ECPAS: variants seen among roughly 807,000 people sequenced by gnomAD.
The protein encoded by ECPAS is Ecm29 proteasome adaptor and scaffold.
A neutral mutation model predicts 255.1 loss-of-function variants in ECPAS; 70 were observed. That is an observed-to-expected ratio of 0.27 (90% CI 0.23 to 0.33). ECPAS has a LOEUF of 0.33. Ranked by LOEUF, ECPAS falls within the 10% of genes least tolerant of loss-of-function variation. The probability of loss-of-function intolerance (pLI) is 1.00; values close to 1 mark genes in which losing one functional copy is unlikely to be tolerated. For synonymous variants in ECPAS, 784 were observed against 775.0 expected (o/e 1.01, Z -0.19); for missense variants, 1,817 against 2,206.4 (o/e 0.82, Z 3.54).
At chr9:111,422,573 T>C (rs1419216272) in intron 13 of ECPAS, among the ~76,000 whole-genome samples, 1 of 152,184 alleles carries the variant, frequency 6.6e-6, no homozygotes, top group African/African-American at 2.4e-5. Context: ...CTATATCCAC[T>C]GATCTGGGGT....
At chr9:111,373,044 A>G in intron 41 of ECPAS, 126 bp downstream of exon 41, 1 of 872,112 alleles carries the variant, frequency 1.1e-6, no homozygotes, top group African/African-American at 1.7e-5. Context: ...AAAAAAAGAA[A>G]AGAAAAGAAA....
intron 2 of ECPAS, among the ~76,000 whole-genome samples, chr9:111,463,206 T>C (rs936136677): frequency 6.6e-6 from 1 of 152,148 alleles, no homozygotes; most frequent in Non-Finnish European, 1.5e-5. Context: ...GCCAACACCA[T>C]CTCAAACACC....
chr9:111,423,664 C>T (rs996820221), intron 12 of ECPAS, among the ~76,000 whole-genome samples: 3 of 152,106 alleles, frequency 2.0e-5, no homozygotes, highest in Admixed American at 6.5e-5. Context: ...TAGGATCCTC[C>T]GTCTCTCACC....
intron 33 of ECPAS, 112 bp downstream of exon 33, chr9:111,385,225 T>G (rs1442872303): frequency 3.2e-6 from 2 of 624,548 alleles, no homozygotes; most frequent in Non-Finnish European, 5.5e-6. Flanking sequence ...GGGGAAAACG[T>G]TGGTCTCTTA....
chr9:111,429,301 A>G (rs1471194033), intron 9 of ECPAS, among the ~76,000 whole-genome samples: 1 of 152,100 alleles, frequency 6.6e-6, no homozygotes, highest in Non-Finnish European at 1.5e-5. Context: ...GAAGAATAGA[A>G]TAACTGTTAG....
Position 111,372,409 on chromosome 9 carries a change from A to C in ECPAS, c.4528+20T>G, listed in dbSNP as rs1024332011. 1 of 1,606,296 alleles carries C rather than the reference A, an allele frequency of 6.2e-7. No homozygotes were observed. The highest frequency in any genetic ancestry group is 1.1e-5 in the South Asian group (1 of 90,130). ...CTGTGATTCCTAAGAAGCAGGTTTA[A>C]CTCAGGCCACACTACTAACCAGGTA... On this transcript the variant is annotated intron_variant, in intron 42 of 49. Coordinates refer to ENST00000684092, the MANE Select transcript of ECPAS (RefSeq NM_001364929.1).
chr9:111,375,292 C>G, intron 37 of ECPAS, 90 bp from the exon 38 acceptor site: 2 of 875,180 alleles, frequency 2.3e-6, no homozygotes, highest in Non-Finnish European at 1.9e-6. Context: ...CAAACGTGTA[C>G]CAACTGGATT....
At chr9:111,369,632 G>A (rs541896901) in intron 45 of ECPAS, among the ~76,000 whole-genome samples, 1 of 152,230 alleles carries the variant, frequency 6.6e-6, no homozygotes, top group Admixed American at 6.5e-5. Flanking sequence ...TATTTAAATA[G>A]CCTTATTACT....
intron 48 of ECPAS, among the ~76,000 whole-genome samples, chr9:111,364,039 T>C (rs1449947327): frequency 1.3e-5 from 2 of 152,284 alleles, no homozygotes; most frequent in South Asian, 4.1e-4. Context: ...CAAAGAACAT[T>C]ATATGACCCA....
chr9:111,443,222 A>G (rs934931762), intron 4 of ECPAS, among the ~76,000 whole-genome samples: 3 of 152,182 alleles, frequency 2.0e-5, no homozygotes, highest in East Asian at 1.9e-4. Flanking sequence ...GGATTTACAG[A>G]TAAGATTAAG....
At position 111,484,099 on chromosome 9, in the gene ECPAS, G is replaced by T; in HGVS notation, c.-83+17C>A. 1 of 1,326,974 alleles carries T rather than the reference G, an allele frequency of 7.5e-7. No homozygotes were observed. Among genetic ancestry groups the T allele is most frequent in the Admixed American group, 3.4e-5 (1 of 29,740 alleles). 82.2% of individuals were successfully genotyped at this position (1,326,974 alleles called of 1,614,324 possible). A position where few individuals can be genotyped will look rare whatever the true frequency, so the allele number is the denominator to read the frequency against. ...GCGCAGGGCCAGTCCCCCGCGGCCC[G>T]GGGGCGGGCCTCTGACCTGAGTCGG... On this transcript the variant is annotated intron_variant, in intron 1 of 49. Transcript: ENST00000684092.
chr9:111,415,228 C>CGTGTGT (rs541242640), intron 18 of ECPAS, among the ~76,000 whole-genome samples: 5,847 of 126,868 alleles, frequency 0.046, 225 homozygotes, highest in East Asian at 0.13. Context: ...TTTTAAAAGC[C>CGTGTGT]GTGTGTGTGT....
rs2098216813 is a variant in ECPAS at position 111,423,260 on chromosome 9, AAAAAG to A, written c.1216-17_1216-13del. On this transcript the variant is annotated splice_polypyrimidine_tract_variant and intron_variant, in intron 12 of 49. Transcript: ENST00000684092. Reference sequence around the variant, plus strand: ...AGTAGTTTAGGGTCCTTGAAATTAAAAAAAGAAAAGAAAGAAAAGAAAGAACAAAA... The same window carrying A: ...AGTAGTTTAGGGTCCTTGAAATTAAAAAAAGAAAGAAAAGAAAGAACAAAA... The A allele has an allele frequency of 6.5e-7, 1 of 1,541,676 alleles. No individual in the cohort carries two copies. The highest frequency in any genetic ancestry group is 2.0e-5 in the Admixed American group (1 of 50,800).
At chr9:111,460,643 A>C (rs1299342095) in intron 2 of ECPAS, among the ~76,000 whole-genome samples, 8 of 152,224 alleles carry the variant, frequency 5.3e-5, no homozygotes, top group African/African-American at 1.9e-4. Flanking sequence ...TTTCCTATAT[A>C]ATAGTAATAA....
At chr9:111,466,798 C>A (rs2098280173) in intron 2 of ECPAS, among the ~76,000 whole-genome samples, 1 of 152,136 alleles carries the variant, frequency 6.6e-6, no homozygotes, top group Admixed American at 6.6e-5. Context: ...CTGCACCCAG[C>A]TAGTTGTTTT....
intron 45 of ECPAS, 36 bp from the exon 46 acceptor site, chr9:111,369,209 T>C: frequency 1.4e-6 from 2 of 1,459,298 alleles, no homozygotes; most frequent in South Asian, 1.6e-5. Flanking sequence ...TGTAATATTT[T>C]CTTCTTCAAA....
At chr9:111,408,484 C>T in intron 24 of ECPAS, 87 bp downstream of exon 24, 1 of 730,902 alleles carries the variant, frequency 1.4e-6, no homozygotes, top group Non-Finnish European at 2.2e-6. Context: ...TTAAAAATCT[C>T]ACAGCATGCA....
intron 39 of ECPAS, 80 bp downstream of exon 39, chr9:111,373,892 A>G: frequency 9.6e-7 from 1 of 1,040,082 alleles, no homozygotes; most frequent in Non-Finnish European, 1.5e-6. Context: ...CTGAATGATA[A>G]GTATTTTTCC....
chr9:111,484,296 G>A lies in ECPAS; in HGVS notation c.-263C>T, dbSNP rs768028586. On this transcript the variant is annotated 5_prime_UTR_variant, in exon 1 of 50. Coordinates refer to ENST00000684092, the MANE Select transcript of ECPAS (RefSeq NM_001364929.1). The stretch of plus-strand genomic sequence containing the variant: ...GGGGGAAATCCTCGAGGCGGGGCCG[G>A]AGCGCCCTTTTCCGAGGTCTGCGGC... The A allele has an allele frequency of 5.2e-6, 8 of 1,552,734 alleles. No individual in the cohort carries two copies. In the Admixed American group the frequency reaches 9.9e-5, roughly 19 times the overall value.
Sources: gnomAD v4.1 joint callset for allele counts (sites outside exome capture counted in the v4.1 genomes callset) on GRCh38, gnomAD v4.1.1 for gene constraint, MANE v1.5 for transcripts, NCBI Gene and HGNC (gene_info 2026-07-23, HGNC 2026-07-21) for gene names.